RBFOX1: variants seen among roughly 807,000 people sequenced by gnomAD.
The protein encoded by RBFOX1 is RNA binding protein fox-1 homolog 1.
In RBFOX1, 8 loss-of-function variants were observed where a neutral mutation model predicts 57.7. The ratio of observed to expected loss-of-function variants is 0.14; its 90% confidence interval spans 0.08 to 0.25. The LOEUF is 0.25. Among genes scored for constraint, RBFOX1 ranks in the 10% least tolerant of loss-of-function variants. The pLI, the probability that RBFOX1 is intolerant of heterozygous loss-of-function variation, is 1.00. For missense variants in RBFOX1, 611 were observed against 548.5 expected (o/e 1.11, Z -1.14); for synonymous variants, 326 against 222.4 (o/e 1.47, Z -4.15).
chr16:7,007,082 C>T (rs1275094997), intron 3 of RBFOX1, among the ~76,000 whole-genome samples: 1 of 152,158 alleles, frequency 6.6e-6, no homozygotes, highest in Admixed American at 6.5e-5. Flanking sequence ...TTTCTCAACG[C>T]TGATGTCAAT....
rs76840211 is a variant in RBFOX1 at position 5,795,484 on chromosome 16, G to A, written c.319-71819G>A. Among the ~76,000 whole-genome samples, 1,264 of 152,108 alleles carry A rather than the reference G, an allele frequency of 8.3e-3. 14 individuals carry two copies. Among genetic ancestry groups the A allele is most frequent in the African/African-American group, 0.027 (1,111 of 41,496 alleles). On this transcript the variant is annotated intron_variant, in intron 3 of 19. Coordinates refer to the RBFOX1 transcript ENST00000641259. The stretch of plus-strand genomic sequence containing the variant: ...TGCGTGGCTAAATTTTTAATTTTTT[G>A]TGGAGATGGGGTATTGCTATGGTTG...
At chr16:5,820,714 C>T (rs1467436412) in intron 3 of RBFOX1, among the ~76,000 whole-genome samples, 2 of 152,192 alleles carry the variant, frequency 1.3e-5, no homozygotes, top group East Asian at 3.9e-4. Flanking sequence ...GCGACTCCAG[C>T]AGCGTCCTGA....
At chr16:6,290,140 C>G (rs1000119527) in intron 1 of RBFOX1, among the ~76,000 whole-genome samples, 2 of 145,480 alleles carry the variant, frequency 1.4e-5, no homozygotes, top group African/African-American at 5.0e-5. Flanking sequence ...TAGAAACTAC[C>G]TTTTTTATGA....
intron 2 of RBFOX1, among the ~76,000 whole-genome samples, chr16:6,524,274 C>A (rs1289265284): frequency 6.6e-6 from 1 of 152,280 alleles, no homozygotes; most frequent in Middle Eastern, 3.4e-3. Context: ...ACTTATTTCA[C>A]TTAACACAAT....
chr16:6,772,262 G>A (rs1323716522), intron 3 of RBFOX1, among the ~76,000 whole-genome samples: 2 of 152,112 alleles, frequency 1.3e-5, no homozygotes, highest in Non-Finnish European at 2.9e-5. Context: ...ACAACTGCAG[G>A]TCAGGCCAGG....
intron 4 of RBFOX1, among the ~76,000 whole-genome samples, chr16:5,935,529 G>A (rs892737889): frequency 2.0e-5 from 3 of 152,204 alleles, no homozygotes; most frequent in African/African-American, 7.2e-5. Context: ...CCGGTGGACA[G>A]TGGCCTGGAG....
At position 7,035,190 on chromosome 16, in the gene RBFOX1, C is replaced by T. The variant is rs200941756; in HGVS notation, c.-15-16867C>T. On this transcript the variant is annotated intron_variant, in intron 3 of 15. Coordinates refer to ENST00000550418, the MANE Select transcript of RBFOX1 (RefSeq NM_018723.4). Reference sequence around the variant, plus strand: ...GTAATGAGTTTCCAGGTGATGCCAACGCTGTTGGTCCTCAGTCTCACTTTG... The same window carrying T: ...GTAATGAGTTTCCAGGTGATGCCAATGCTGTTGGTCCTCAGTCTCACTTTG... Among the ~76,000 whole-genome samples the T allele has an allele frequency of 1.8e-4, 27 of 151,986 alleles. No homozygotes were observed. In the East Asian group the frequency reaches 2.3e-3, roughly 13 times the overall value.
chr16:7,516,076 C>G (rs1312108208), intron 4 of RBFOX1, among the ~76,000 whole-genome samples: 4 of 152,158 alleles, frequency 2.6e-5, no homozygotes, highest in African/African-American at 7.2e-5. Context: ...AACTCCTGAC[C>G]TCAAGTGATC....
At chr16:6,331,771 T>TA (rs5815300) in intron 2 of RBFOX1, among the ~76,000 whole-genome samples, 74,786 of 149,144 alleles carry the variant, frequency 0.5, 18,814 homozygotes, top group Middle Eastern at 0.54. Flanking sequence ...CACCTTTTTT[T>TA]AAAAAAAAAA....
At chr16:6,366,866 A>G (rs1352311532) in intron 2 of RBFOX1, among the ~76,000 whole-genome samples, 1 of 152,160 alleles carries the variant, frequency 6.6e-6, no homozygotes, top group African/African-American at 2.4e-5. Flanking sequence ...AAAATATCAG[A>G]GTGGCTCTCT....
At chr16:6,416,387 A>G (rs2093625093) in intron 2 of RBFOX1, among the ~76,000 whole-genome samples, 1 of 152,302 alleles carries the variant, frequency 6.6e-6, no homozygotes, top group African/African-American at 2.4e-5. Context: ...TCGCTTCTCC[A>G]TGGGGAAATG....
chr16:6,400,099 A>G (rs2093007896), intron 2 of RBFOX1, among the ~76,000 whole-genome samples: 1 of 152,182 alleles, frequency 6.6e-6, no homozygotes, highest in South Asian at 2.1e-4. Flanking sequence ...AACACTATCT[A>G]CCAACTTGAC....
At chr16:6,284,692 T>G (rs1368973476) in intron 1 of RBFOX1, among the ~76,000 whole-genome samples, 3 of 152,168 alleles carry the variant, frequency 2.0e-5, no homozygotes, top group Admixed American at 1.3e-4. Context: ...GATGAACAAC[T>G]ATTCAATCAC....
At chr16:7,124,576 T>C (rs916792791) in intron 4 of RBFOX1, among the ~76,000 whole-genome samples, 1 of 130,204 alleles carries the variant, frequency 7.7e-6, no homozygotes, top group African/African-American at 2.8e-5. Context: ...CCTTCCTTCC[T>C]TCCTTCCTGT....
intron 1 of RBFOX1, among the ~76,000 whole-genome samples, chr16:6,244,808 A>G (rs13337379): frequency 0.17 from 25,160 of 152,126 alleles, 2,317 homozygotes; most frequent in Middle Eastern, 0.25. Flanking sequence ...ACACCCGGCA[A>G]ACTTCATACT....
At chr16:6,983,029 GA>G (rs2089355177) in intron 3 of RBFOX1, among the ~76,000 whole-genome samples, 1 of 146,618 alleles carries the variant, frequency 6.8e-6, no homozygotes, top group African/African-American at 2.5e-5. Context: ...GAAAGGTGTC[GA>G]ACTGAGGCTC....
intron 1 of RBFOX1, among the ~76,000 whole-genome samples, chr16:6,198,248 A>G (rs1003028998): frequency 2.6e-5 from 4 of 152,194 alleles, no homozygotes; most frequent in Non-Finnish European, 4.4e-5. Flanking sequence ...AGACAAGGGT[A>G]TTGAATGTGC....
At chr16:5,720,300 T>A (rs767861559) in intron 3 of RBFOX1, among the ~76,000 whole-genome samples, 14 of 152,188 alleles carry the variant, frequency 9.2e-5, no homozygotes, top group Non-Finnish European at 1.9e-4. Context: ...TTGTGAGAGT[T>A]GTTTATATGT....
intron 1 of RBFOX1, among the ~76,000 whole-genome samples, chr16:5,263,538 A>G (rs1312997002): frequency 6.6e-6 from 1 of 152,190 alleles, no homozygotes; most frequent in Non-Finnish European, 1.5e-5. Context: ...GGTGCAAAAT[A>G]TGAGTGAAAT....
Sources: gnomAD v4.1 joint callset for allele counts (sites outside exome capture counted in the v4.1 genomes callset) on GRCh38, gnomAD v4.1.1 for gene constraint, MANE v1.5 for transcripts, NCBI Gene and HGNC (gene_info 2026-07-23, HGNC 2026-07-21) for gene names.